APBB2: variants seen among roughly 807,000 people sequenced by gnomAD.
APBB2 encodes amyloid beta precursor protein binding family B member 2.
APBB2 carries 38 observed loss-of-function variants against 82.5 expected under a neutral mutation model. The observed-to-expected ratio is 0.46, with a 90% CI of 0.36 to 0.60. The LOEUF (loss-of-function observed/expected upper bound fraction) is 0.60, where lower values mean the gene tolerates loss of function less well. Ranked by LOEUF, APBB2 falls within the 20% of genes least tolerant of loss-of-function variation. APBB2 has a pLI of 0.00. For synonymous variants in APBB2, 341 were observed against 368.2 expected, an observed-to-expected ratio of 0.93 and a Z score of 0.85; for missense variants, 772 against 972.3, an observed-to-expected ratio of 0.79 and a Z score of 2.74.
intron 6 of APBB2, among the ~76,000 whole-genome samples, chr4:41,008,796 T>C (rs537426508): frequency 1.9e-4 from 29 of 152,354 alleles, no homozygotes; most frequent in South Asian, 1.0e-3. Flanking sequence ...TGCCTAGATA[T>C]AGCAGAGCTG....
intron 6 of APBB2, among the ~76,000 whole-genome samples, chr4:40,967,652 C>G (rs1794992427): frequency 6.6e-6 from 1 of 152,212 alleles, no homozygotes; most frequent in African/African-American, 2.4e-5. Flanking sequence ...TGCTCACTCA[C>G]ACAGCCCTTG....
intron 2 of APBB2, among the ~76,000 whole-genome samples, chr4:41,108,808 C>A (rs1353626599): frequency 6.6e-6 from 1 of 152,178 alleles, no homozygotes; most frequent in East Asian, 1.9e-4. Flanking sequence ...CCAACAAACC[C>A]AACCCCTTGT....
chr4:40,895,025 T>C (rs1010514792), intron 10 of APBB2, among the ~76,000 whole-genome samples: 15 of 152,142 alleles, frequency 9.9e-5, no homozygotes, highest in African/African-American at 3.6e-4. Flanking sequence ...GAACAGCTTG[T>C]AAAGTTTCCA....
intron 4 of APBB2, among the ~76,000 whole-genome samples, chr4:41,042,397 T>C (rs1721866810): frequency 6.6e-6 from 1 of 152,220 alleles, no homozygotes; most frequent in Admixed American, 6.5e-5. Context: ...ATTGGACAAC[T>C]ATAGAGGACT....
intron 10 of APBB2, among the ~76,000 whole-genome samples, chr4:40,923,023 G>A (rs769304577): frequency 1.4e-5 from 2 of 148,034 alleles, no homozygotes; most frequent in African/African-American, 5.0e-5. Context: ...AGCCCAGGCC[G>A]GATTGCAGTG....
chr4:40,874,977 G>C (rs991241235), intron 12 of APBB2, among the ~76,000 whole-genome samples: 4 of 152,118 alleles, frequency 2.6e-5, no homozygotes, highest in African/African-American at 9.7e-5. Flanking sequence ...CAAAAAGCAG[G>C]GCACACAGTG....
At chr4:40,891,844 C>T (rs1032563790) in intron 11 of APBB2, among the ~76,000 whole-genome samples, 11 of 152,144 alleles carry the variant, frequency 7.2e-5, no homozygotes, top group African/African-American at 1.4e-4. Context: ...GTGTAAGTCA[C>T]AACCACCTAC....
Position 40,811,073 on chromosome 4 carries a change from T to C in APBB2, c.*5019A>G, listed in dbSNP as rs2154290369. On this transcript the variant is annotated 3_prime_UTR_variant, in exon 18 of 18. Coordinates refer to ENST00000508593, the MANE Select transcript of APBB2 (RefSeq NM_004307.2). Reference sequence around the variant, plus strand: ...CTGATCTCTACAGTAGCATGTGAAGTCACAATTTGTTGCCACTTACATTGA... The same window carrying C: ...CTGATCTCTACAGTAGCATGTGAAGCCACAATTTGTTGCCACTTACATTGA... The C allele has an allele frequency of 6.6e-6, 1 of 152,270 alleles. No individual in the cohort carries two copies. The highest frequency in any genetic ancestry group is 2.1e-4 in the South Asian group (1 of 4,826). 9.4% of individuals were successfully genotyped at this position (152,270 alleles called of 1,614,324 possible).
At chr4:41,181,953 A>G (rs920048891) in intron 1 of APBB2, among the ~76,000 whole-genome samples, 26 of 151,914 alleles carry the variant, frequency 1.7e-4, no homozygotes, top group African/African-American at 5.1e-4. Context: ...AAAAAAAAAA[A>G]AAAAAAAAGA....
At chr4:41,070,502 A>G (rs1269294319) in intron 3 of APBB2, among the ~76,000 whole-genome samples, 1 of 152,070 alleles carries the variant, frequency 6.6e-6, no homozygotes, top group African/African-American at 2.4e-5. Context: ...GGGTTTTACC[A>G]CATTGGCCAG....
Position 40,886,613 on chromosome 4 carries a change from C to G in APBB2, c.1529+3751G>C, listed in dbSNP as rs762208517. On this transcript the variant is annotated intron_variant, in intron 12 of 17. Coordinates refer to ENST00000508593, the MANE Select transcript of APBB2 (RefSeq NM_004307.2). ...GCTGAGGCCGGAAGTTAGCACAGGT[C>G]CCTGAAACTGGGTAGGGACATCCCT... Among the ~76,000 whole-genome samples, 85 of 152,302 alleles carry G rather than the reference C, an allele frequency of 5.6e-4. 1 individual carries two copies. The highest frequency in any genetic ancestry group is 2.4e-4 in the Non-Finnish European group (16 of 68,022).
chr4:41,048,916 CTACCA>C (rs1724511249), intron 4 of APBB2, among the ~76,000 whole-genome samples: 1 of 152,158 alleles, frequency 6.6e-6, no homozygotes, highest in Non-Finnish European at 1.5e-5. Flanking sequence ...CGTGAGTGAT[CTACCA>C]GCCTCGGTGC....
At chr4:41,192,833 T>C (rs961943842) in intron 1 of APBB2, among the ~76,000 whole-genome samples, 3 of 152,208 alleles carry the variant, frequency 2.0e-5, no homozygotes, top group African/African-American at 7.2e-5. Flanking sequence ...TGGTTCACTA[T>C]AGTAATGATT....
At position 40,947,682 on chromosome 4, in the gene APBB2, G is replaced by T. The variant is rs185651444; in HGVS notation, c.836-2609C>A. ...GGTGCTGGTGACAGATGCAAAGTGG[G>T]CACACCTACGGTATTATTAATAGGT... On this transcript the variant is annotated intron_variant, in intron 6 of 17. Transcript: ENST00000508593. Among the ~76,000 whole-genome samples, 5 of 152,354 alleles carry T rather than the reference G, an allele frequency of 3.3e-5. No homozygotes were observed. In the East Asian group the frequency reaches 9.6e-4, roughly 29 times the overall value.
intron 12 of APBB2, among the ~76,000 whole-genome samples, chr4:40,871,531 G>A (rs545336115): frequency 6.6e-6 from 1 of 152,300 alleles, no homozygotes; most frequent in East Asian, 1.9e-4. Context: ...ACAGCTAAAA[G>A]GAGTAGGAAC....
intron 12 of APBB2, among the ~76,000 whole-genome samples, chr4:40,859,587 AC>A (rs1762268886): frequency 6.6e-6 from 1 of 152,168 alleles, no homozygotes; most frequent in Non-Finnish European, 1.5e-5. Context: ...TCCCTTCAAA[AC>A]AAAAACAAAA....
chr4:41,108,310 A>C (rs2153977783), intron 2 of APBB2, among the ~76,000 whole-genome samples: 1 of 152,336 alleles, frequency 6.6e-6, no homozygotes, highest in Admixed American at 6.5e-5. Context: ...GTTGAAAAGA[A>C]ACTGACGCAC....
intron 12 of APBB2, among the ~76,000 whole-genome samples, chr4:40,859,945 A>C (rs926907782): frequency 6.6e-6 from 1 of 152,168 alleles, no homozygotes; most frequent in Non-Finnish European, 1.5e-5. Context: ...ATCTCAGCCC[A>C]AAAGTTGATT....
intron 6 of APBB2, among the ~76,000 whole-genome samples, chr4:40,975,554 T>C (rs1372481643): frequency 6.6e-6 from 1 of 152,162 alleles, no homozygotes; most frequent in East Asian, 1.9e-4. Flanking sequence ...TGGTACATGC[T>C]GCACGTTATT....
Sources: gnomAD v4.1 joint callset for allele counts (sites outside exome capture counted in the v4.1 genomes callset) on GRCh38, gnomAD v4.1.1 for gene constraint, MANE v1.5 for transcripts, NCBI Gene and HGNC (gene_info 2026-07-23, HGNC 2026-07-21) for gene names.